TBXA2R: variants seen among roughly 807,000 people sequenced by gnomAD.
TBXA2R encodes thromboxane A2 receptor, also known as prostanoid TP receptor.
TBXA2R carries 15 observed loss-of-function variants against 15.6 expected under a neutral mutation model. The ratio of observed to expected loss-of-function variants is 0.96; its 90% CI spans 0.64 to 1.48. The LOEUF (loss-of-function observed/expected upper bound fraction) is 1.48. Among genes scored for constraint, TBXA2R ranks in the 40% most tolerant of loss-of-function variants. The probability of loss-of-function intolerance (pLI) is 0.00; values close to 1 mark genes in which losing one functional copy is unlikely to be tolerated. For synonymous variants in TBXA2R, 280 were observed against 241.2 expected, an observed-to-expected ratio of 1.16 and a Z score of -1.49; for missense variants, 506 against 491.4, an observed-to-expected ratio of 1.03 and a Z score of -0.28.
rs201218209 is a variant in TBXA2R, at chr19:3,595,304, G to A, written c.*384C>T. ...TGAGGCAGGAGAATCGCTTGAACCC[G>A]GGAGGTGGAGGTTGCAGTGAGCTGA... On this transcript the variant is annotated 3_prime_UTR_variant, in exon 3 of 3. Coordinates refer to ENST00000375190, the MANE Select transcript of TBXA2R (RefSeq NM_001060.6). The A allele has an allele frequency of 7.3e-5, 91 of 1,242,282 alleles. No individual in the cohort carries two copies. In the African/African-American group the frequency reaches 1.1e-3, roughly 15 times the overall value. The allele number at this position is 1,242,282 out of a possible 1,614,324, so 77.0% of individuals were successfully genotyped here.
intron 1 of TBXA2R, among the ~76,000 whole-genome samples, chr19:3,600,948 C>T (rs1429805679): frequency 6.6e-6 from 1 of 150,604 alleles, no homozygotes; most frequent in East Asian, 2.0e-4. Context: ...CCCATCTCAG[C>T]CTCCCAAATA....
In TBXA2R at chr19:3,595,664, C is replaced by G. The variant is rs200736764; in HGVS notation, c.*24G>C. 1.3e-6 allele frequency: 2 copies of G among 1,557,354 alleles called. No individual in the cohort carries two copies. Among genetic ancestry groups the G allele is most frequent in the Non-Finnish European group, 1.7e-6 (2 of 1,149,396 alleles). On this transcript the variant is annotated 3_prime_UTR_variant, in exon 3 of 3. Coordinates refer to ENST00000375190, the MANE Select transcript of TBXA2R (RefSeq NM_001060.6). ...GGGCCAAGGGCTCCGCGGAAAGGCG[C>G]GGGAGGGGCGCTCTGTCCACTTCCT...
intron 1 of TBXA2R, among the ~76,000 whole-genome samples, chr19:3,603,947 G>A (rs548801708): frequency 1.2e-4 from 18 of 152,288 alleles, no homozygotes; most frequent in African/African-American, 3.4e-4. Context: ...GCAGCACTGC[G>A]GCTCTTGGGA....
chr19:3,604,013 G>A (rs35992912), intron 1 of TBXA2R, among the ~76,000 whole-genome samples: 1,917 of 152,234 alleles, frequency 0.013, 31 homozygotes, highest in Non-Finnish European at 0.016. Flanking sequence ...ATCGCTTTTC[G>A]ATGTTGAATA....
chr19:3,600,824 CG>C lies in TBXA2R; in HGVS notation c.-83-108del, dbSNP rs200591089. The C allele has an allele frequency of 1.7e-3, 721 of 429,070 alleles. 8 individuals carry two copies. Among genetic ancestry groups the C allele is most frequent in the African/African-American group, 0.015 (429 of 29,422 alleles). 26.6% of individuals were successfully genotyped at this position (429,070 alleles called of 1,614,324 possible). On this transcript the variant is annotated intron_variant, in intron 1 of 2. Coordinates refer to ENST00000375190, the MANE Select transcript of TBXA2R (RefSeq NM_001060.6). ...AATGCCCCAGCTCAAATATCCTCTC[CG>C]GTTTTTTTTTTTTTTTTTTTTGAGA...
rs201588450 is a variant in TBXA2R, at chr19:3,600,355, C to G, written c.280G>C (p.Glu94Gln). ...CAGCCAGGGTCCACGGCGTGCCACT[C>G]GAAGAGCGCGGCGTGCTGGGACACC... ...IVVSQHAALF[E>Q]WHAVDPGCRL... Residue 94 changes from glutamate to glutamine, a missense_variant, in exon 2 of 3, where the codon GAG becomes CAG. Transcript: ENST00000375190. The G allele has an allele frequency of 6.2e-6, 10 of 1,613,306 alleles. No homozygotes were observed. Among genetic ancestry groups the G allele is most frequent in the Non-Finnish European group, 8.5e-6 (10 of 1,179,826 alleles).
intron 1 of TBXA2R, among the ~76,000 whole-genome samples, chr19:3,605,442 CAG>C (rs1202304751): frequency 6.6e-6 from 1 of 151,986 alleles, no homozygotes; most frequent in Non-Finnish European, 1.5e-5. Flanking sequence ...CAGACGTGCA[CAG>C]ACACACACAC....
chr19:3,600,676 C>G lies in TBXA2R; in HGVS notation c.-42G>C, dbSNP rs760192375. 6.2e-7 allele frequency: 1 copy of G among 1,602,316 alleles called. No individual in the cohort carries two copies. Among genetic ancestry groups the G allele is most frequent in the Non-Finnish European group, 8.5e-7 (1 of 1,174,412 alleles). ...GGGATCAGTCACCACCCCATCAGGCCGATGCTGCAGACAGGGCAGGCTGGC... is the reference window on the plus strand; with the variant it reads ...GGGATCAGTCACCACCCCATCAGGCGGATGCTGCAGACAGGGCAGGCTGGC... On this transcript the variant is annotated 5_prime_UTR_variant, in exon 2 of 3. Coordinates refer to ENST00000375190, the MANE Select transcript of TBXA2R (RefSeq NM_001060.6).
intron 2 of TBXA2R, among the ~76,000 whole-genome samples, chr19:3,599,331 TTTTTA>T (rs2032665386): frequency 2.7e-5 from 1 of 37,294 alleles, no homozygotes; most frequent in East Asian, 2.7e-4. Flanking sequence ...ATTTTTTTAT[TTTTTA>T]TTTTTTTTTT....
At position 3,604,374 on chromosome 19, in the gene TBXA2R, C is replaced by T. The variant is rs562222129; in HGVS notation, c.-84+2156G>A. 6.5e-4 allele frequency among the ~76,000 whole-genome samples: 99 copies of T among 152,222 alleles called. 1 individual carries two copies. The highest frequency in any genetic ancestry group is 1.2e-3 in the Non-Finnish European group (81 of 68,006). ...CCAGAGGCCCGGGCGCTGGGCTGGG[C>T]GTGGGCACCAGGCCTGGCTGCCCCA... On this transcript the variant is annotated intron_variant, in intron 1 of 2. Coordinates refer to ENST00000375190, the MANE Select transcript of TBXA2R (RefSeq NM_001060.6).
intron 2 of TBXA2R, among the ~76,000 whole-genome samples, chr19:3,596,748 ATTTTTTGTAT>A (rs2032612158): frequency 6.9e-6 from 1 of 144,848 alleles, no homozygotes; most frequent in African/African-American, 2.6e-5. Context: ...CATCCGGCTA[ATTTTTTGTAT>A]TTTTAGTAGA....
chr19:3,600,544 C>T lies in TBXA2R; in HGVS notation c.91G>A (p.Ala31Thr), dbSNP rs201738444. Residue 31 changes from alanine to threonine, a missense_variant, in exon 2 of 3, where the codon GCC (alanine) becomes ACC (threonine). Transcript: ENST00000375190. ...ERRLIASPWF[A>T]ASFCVVGLAS... ...AGGCCCACCACGCAGAAGGAGGCGG[C>T]GAACCAGGGCGAGGCGATCAGCCGT... 1.2e-6 allele frequency: 2 copies of T among 1,611,724 alleles called. No individual in the cohort carries two copies. The highest frequency in any genetic ancestry group is 1.1e-5 in the South Asian group (1 of 91,024).
intron 2 of TBXA2R, among the ~76,000 whole-genome samples, chr19:3,597,411 T>A (rs987135811): frequency 1.8e-5 from 2 of 110,774 alleles, no homozygotes; most frequent in African/African-American, 6.8e-5. Flanking sequence ...TGTTACATTA[T>A]ATTAAAATAC....
chr19:3,604,849 C>T (rs2032801001), intron 1 of TBXA2R, among the ~76,000 whole-genome samples: 1 of 152,172 alleles, frequency 6.6e-6, no homozygotes, highest in Non-Finnish European at 1.5e-5. Context: ...TCACCCCTGT[C>T]GGCCTTGGAC....
intron 2 of TBXA2R, among the ~76,000 whole-genome samples, chr19:3,596,342 G>A (rs913885583): frequency 8.5e-5 from 13 of 152,174 alleles, no homozygotes; most frequent in Non-Finnish European, 1.9e-4. Context: ...TGTCCACTCT[G>A]TTACTGCATT....
chr19:3,602,157 C>CT (rs1227564963), intron 1 of TBXA2R, among the ~76,000 whole-genome samples: 1 of 151,370 alleles, frequency 6.6e-6, no homozygotes, highest in Non-Finnish European at 1.5e-5. Context: ...GGAGGAGGAG[C>CT]TTGCAGTGAG....
rs201445336 is a variant in TBXA2R at position 3,594,898 on chromosome 19, C to A, written c.*790G>T. ...TCAAAAGGAAGCAACTGTACCCCAG[C>A]AAGTAGGTCAAATTCAGGGTCAAAG... On this transcript the variant is annotated 3_prime_UTR_variant, in exon 3 of 3. Transcript: ENST00000375190. 2.0e-6 allele frequency: 3 copies of A among 1,536,848 alleles called. No homozygotes were observed. The highest frequency in any genetic ancestry group is 2.6e-6 in the Non-Finnish European group (3 of 1,146,854).
Position 3,600,614 on chromosome 19 carries a change from G to A in TBXA2R, c.21C>T (p.Ser7=). MWPNGS[S]LGPCFRPTNI... is the part of the protein sequence containing the mutation. ...TTGTGGGCCGGAAACAGGGCCCCAG[G>A]GAACTGCCGTTGGGCCACATGGCTC... The change falls in exon 2 of 3, where the codon TCC becomes TCT. Residue 7 remains serine (S), a synonymous_variant. Coordinates refer to ENST00000375190, the MANE Select transcript of TBXA2R (RefSeq NM_001060.6). The A allele has an allele frequency of 6.2e-7, 1 of 1,612,676 alleles. No homozygotes were observed. The highest frequency in any genetic ancestry group is 8.5e-7 in the Non-Finnish European group (1 of 1,179,784).
intron 2 of TBXA2R, among the ~76,000 whole-genome samples, chr19:3,597,144 G>A (rs1198032397): frequency 6.6e-6 from 1 of 151,456 alleles, no homozygotes; most frequent in East Asian, 1.9e-4. Context: ...GTTTCTCCAT[G>A]TTGGTCAGGC....
Sources: allele counts gnomAD v4.1 joint callset (sites outside exome capture counted in the v4.1 genomes callset), GRCh38; gene constraint gnomAD v4.1.1; transcripts MANE v1.5; gene names NCBI Gene and HGNC (gene_info 2026-07-23, HGNC 2026-07-21).